The following HK1 variants were observed in gnomAD, a reference collection of about 807,000 sequenced individuals.
HK1 encodes the protein hexokinase 1.
In HK1, 28 loss-of-function variants were observed where a neutral mutation model predicts 91.6. That is an observed-to-expected ratio of 0.31 (90% CI 0.23 to 0.42). HK1 has a LOEUF of 0.42. Among genes scored for constraint, HK1 ranks in the 10% least tolerant of loss-of-function variants. HK1 has a pLI of 1.00. For synonymous variants in HK1, 430 were observed against 468.1 expected (o/e 0.92, Z 1.05); for missense variants, 770 against 1,219.8 (o/e 0.63, Z 5.49).
At chr10:69,303,202 G>A (rs941900057) in intron 5 of HK1, among the ~76,000 whole-genome samples, 1 of 152,088 alleles carries the variant, frequency 6.6e-6, no homozygotes. Flanking sequence ...GTGGGGGGAG[G>A]GGGGAGGCTG....
chr10:69,290,957 G>T (rs542271405), intron 3 of HK1, among the ~76,000 whole-genome samples: 4 of 152,194 alleles, frequency 2.6e-5, no homozygotes, highest in Non-Finnish European at 5.9e-5. Context: ...CCTCTTAGCC[G>T]TTGGGTCTCT....
chr10:69,392,102 C>T, intron 14 of HK1, 23 bp from the exon 15 acceptor site: 1 of 1,614,008 alleles, frequency 6.2e-7, no homozygotes, highest in Non-Finnish European at 8.5e-7. Flanking sequence ...CACCGCTCCT[C>T]ATTGCCCCCT....
At position 69,395,052 on chromosome 10, in the gene HK1, G is replaced by A; in HGVS notation, c.2322G>A (p.Glu774=). The part of the protein sequence containing the change: ...KGFLFRGQIS[E]TLKTRGIFET... ...TCCTCTTCCGAGGGCAGATCTCTGA[G>A]ACGCTGAAGACCCGGGGCATCTTTG... is the stretch of plus-strand genomic sequence containing the variant. The change falls in exon 16 of 18, where the codon GAG becomes GAA. Residue 774 remains glutamate, a synonymous_variant. Coordinates refer to ENST00000359426, the MANE Select transcript of HK1 (RefSeq NM_000188.3). 6.2e-7 allele frequency: 1 copy of A among 1,614,132 alleles called. No homozygotes were observed. Among genetic ancestry groups the A allele is most frequent in the Non-Finnish European group, 8.5e-7 (1 of 1,180,028 alleles).
chr10:69,332,005 AG>A (rs2132630681), intron 1 of HK1, among the ~76,000 whole-genome samples: 1 of 152,326 alleles, frequency 6.6e-6, no homozygotes, highest in East Asian at 1.9e-4. Context: ...TGATTGTTTG[AG>A]GCTGCAATGA....
At chr10:69,365,766 C>T (rs986932080) in intron 4 of HK1, among the ~76,000 whole-genome samples, 18 of 152,238 alleles carry the variant, frequency 1.2e-4, no homozygotes, top group South Asian at 4.1e-4. Context: ...CTTGGGAGAT[C>T]GAGGCTGCTG....
intron 7 of HK1, among the ~76,000 whole-genome samples, chr10:69,376,617 G>A (rs1839121844): frequency 6.6e-6 from 1 of 152,200 alleles, no homozygotes; most frequent in Non-Finnish European, 1.5e-5. Context: ...TCTATCTGGG[G>A]CCTTCTTGAC....
intron 2 of HK1, among the ~76,000 whole-genome samples, chr10:69,286,781 C>T (rs978324207): frequency 2.6e-5 from 4 of 152,098 alleles, no homozygotes; most frequent in African/African-American, 9.7e-5. Context: ...CTCCTGACCT[C>T]AGGTGATCCA....
At chr10:69,350,326 T>C (rs925993731) in intron 2 of HK1, among the ~76,000 whole-genome samples, 1 of 152,218 alleles carries the variant, frequency 6.6e-6, no homozygotes, top group African/African-American at 2.4e-5. Flanking sequence ...AAAGAGATGC[T>C]GGACATCCAG....
intron 1 of HK1, among the ~76,000 whole-genome samples, chr10:69,331,172 G>C (rs1288927364): frequency 5.3e-5 from 8 of 152,186 alleles, no homozygotes; most frequent in Admixed American, 5.2e-4. Context: ...GAGCCGCCAC[G>C]CCGGGCCAGA....
intron 7 of HK1, among the ~76,000 whole-genome samples, chr10:69,371,934 C>T (rs1850027018): frequency 6.6e-6 from 1 of 152,146 alleles, no homozygotes; most frequent in Non-Finnish European, 1.5e-5. Flanking sequence ...ATATGTTTCT[C>T]AGTTGTATTA....
At chr10:69,312,067 G>A (rs550052386), upstream of HK1, among the ~76,000 whole-genome samples, 2 of 152,308 alleles carry the variant, frequency 1.3e-5, no homozygotes, top group African/African-American at 4.8e-5. Flanking sequence ...CCTTCAAAGG[G>A]GAGTAGAAGC....
rs146221842 is a variant in HK1, at chr10:69,338,041, G to T, written c.64-5786G>T. 219 of 166,204 alleles carry T rather than the reference G, an allele frequency of 1.3e-3. 1 individual carries two copies. Among genetic ancestry groups the T allele is most frequent in the African/African-American group, 5.0e-3 (212 of 42,002 alleles). 10.3% of individuals were successfully genotyped at this position (166,204 alleles called of 1,614,324 possible). On this transcript the variant is annotated intron_variant, in intron 1 of 17. Coordinates refer to ENST00000359426, the MANE Select transcript of HK1 (RefSeq NM_000188.3). ...GGCCATTGAGTTCTTTCCTTGGTTG[G>T]AGGGCTCTGAGCCAGGGAAGCTTGG... is the stretch of plus-strand genomic sequence containing the variant.
chr10:69,398,714 A>G lies in HK1; in HGVS notation c.2495A>G (p.Gln832Arg). Residue 832 changes from glutamine to arginine, a missense_variant, in exon 17 of 18, where the codon CAG (glutamine) becomes CGG (arginine). Coordinates refer to ENST00000359426, the MANE Select transcript of HK1 (RefSeq NM_000188.3). ...VCGVVSRRAA[Q>R]LCGAGMAAVV... ...GGGGTGGTGTCCAGGAGGGCCGCAC[A>G]GCTGTGTGGCGCAGGCATGGCTGCG... The G allele has an allele frequency of 6.2e-7, 1 of 1,614,210 alleles. No homozygotes were observed. Among genetic ancestry groups the G allele is most frequent in the Non-Finnish European group, 8.5e-7 (1 of 1,180,028 alleles).
At chr10:69,314,999 A>G (rs921626448), upstream of HK1, among the ~76,000 whole-genome samples, 8 of 152,010 alleles carry the variant, frequency 5.3e-5, no homozygotes, top group African/African-American at 1.9e-4. Flanking sequence ...AGGCAAGAGG[A>G]TCCCTTGAGT....
At chr10:69,322,871 C>G (rs368461293) in intron 1 of HK1, among the ~76,000 whole-genome samples, 3 of 143,468 alleles carry the variant, frequency 2.1e-5, no homozygotes, top group Admixed American at 7.1e-5. Flanking sequence ...GCCTAGGCAA[C>G]GAGAGCGAAA....
At chr10:69,299,641 G>A (rs1437623293) in intron 4 of HK1, among the ~76,000 whole-genome samples, 1 of 150,286 alleles carries the variant, frequency 6.7e-6, no homozygotes, top group African/African-American at 2.5e-5. Context: ...TGAGATTACA[G>A]GCGTGAGCCA....
At chr10:69,389,132 A>G in intron 13 of HK1, 65 bp from the exon 14 acceptor site, 1 of 1,240,442 alleles carries the variant, frequency 8.1e-7, no homozygotes. Context: ...AACAGACAGA[A>G]CCGGCAGCAT....
At chr10:69,338,324 ACCCAGCTCGG>A in intron 1 of HK1, 1 of 1,184,934 alleles carries the variant, frequency 8.4e-7, no homozygotes, top group East Asian at 5.9e-5. Context: ...AGTCTGAGGG[ACCCAGCTCGG>A]TGTCTGATGT....
chr10:69,313,430 C>T (rs78860572), upstream of HK1, among the ~76,000 whole-genome samples: 4,636 of 152,244 alleles, frequency 0.03, 112 homozygotes, highest in South Asian at 0.065. Context: ...CCTTTAGGTG[C>T]CTGAAATCTA....
Sources: allele counts gnomAD v4.1 joint callset (sites outside exome capture counted in the v4.1 genomes callset), GRCh38; gene constraint gnomAD v4.1.1; transcripts MANE v1.5; gene names NCBI Gene and HGNC (gene_info 2026-07-23, HGNC 2026-07-21).